ZYG11B: variants seen among roughly 807,000 people sequenced by gnomAD.
ZYG11B encodes zyg-11 family member B, cell cycle regulator, also known as protein zyg-11 homolog B.
In ZYG11B, 36 loss-of-function variants were observed where a neutral mutation model predicts 82.4. That is an observed-to-expected ratio of 0.44 (90% confidence interval 0.33 to 0.58). ZYG11B has a LOEUF of 0.58. Ranked by LOEUF, ZYG11B falls within the 20% of genes least tolerant of loss-of-function variation. The probability of loss-of-function intolerance (pLI) is 0.02; values close to 1 mark genes in which losing one functional copy is unlikely to be tolerated. For synonymous variants in ZYG11B, 303 were observed against 312.8 expected (o/e 0.97, Z 0.33); for missense variants, 552 against 895.6 (o/e 0.62, Z 4.90).
intron 13 of ZYG11B, among the ~76,000 whole-genome samples, chr1:52,817,797 ATATATATATATATATATATTTTTT>A (rs1645243491): frequency 2.0e-5 from 1 of 49,990 alleles, no homozygotes; most frequent in African/African-American, 5.7e-5. Flanking sequence ...ATATATATAT[ATATATATATATATATATATTTTTT>A]TTTTTTTTTT....
At chr1:52,781,076 C>T (rs1284778086) in intron 4 of ZYG11B, among the ~76,000 whole-genome samples, 1 of 152,122 alleles carries the variant, frequency 6.6e-6, no homozygotes, top group Non-Finnish European at 1.5e-5. Flanking sequence ...GCCGAGTTTA[C>T]AGTGAGCCGA....
intron 2 of ZYG11B, among the ~76,000 whole-genome samples, chr1:52,757,679 C>T (rs957010834): frequency 2.0e-5 from 3 of 150,724 alleles, no homozygotes; most frequent in Admixed American, 6.6e-5. Flanking sequence ...TGTCTCAAAA[C>T]AAACAAACTA....
Position 52,821,591 on chromosome 1 carries a change from C to T in ZYG11B, c.2197C>T (p.Pro733Ser), listed in dbSNP as rs149790059. ...EKHIVRHGRP[P>S]PCKKQPQARL... ...ACACATTGTGCGCCATGGGAGGCCACCTCCCTGTAAAAAACAGCCCCAAGC... is the reference window on the plus strand; with the variant it reads ...ACACATTGTGCGCCATGGGAGGCCATCTCCCTGTAAAAAACAGCCCCAAGC... Residue 733 changes from proline (P) to serine (S), a missense_variant, in exon 14 of 14, where the codon CCT (proline) becomes TCT (serine). Around this residue, in one of 3 missense-constraint regions of ZYG11B, gnomAD observed 127 missense variants for 163.4 expected, o/e 0.78. Coordinates refer to ENST00000294353, the MANE Select transcript of ZYG11B (RefSeq NM_024646.3). 12 of 1,613,656 alleles carry T rather than the reference C, an allele frequency of 7.4e-6. No homozygotes were observed. Among genetic ancestry groups the T allele is most frequent in the Non-Finnish European group, 7.6e-6 (9 of 1,179,894 alleles).
At position 52,825,316 on chromosome 1, in the gene ZYG11B, T is replaced by C. The variant is rs1645315657; in HGVS notation, c.*3687T>C. 6.6e-6 allele frequency: 1 copy of C among 152,116 alleles called. No homozygotes were observed. Among genetic ancestry groups the C allele is most frequent in the South Asian group, 2.1e-4 (1 of 4,834 alleles). 9.4% of individuals were successfully genotyped at this position (152,116 alleles called of 1,614,324 possible). ...AGGGATTAGTTTACCCTCAAGCCGATGACTCCATGGCTACTGATATTAGTT... is the reference window on the plus strand; with the variant it reads ...AGGGATTAGTTTACCCTCAAGCCGACGACTCCATGGCTACTGATATTAGTT... On this transcript the variant is annotated 3_prime_UTR_variant, in exon 14 of 14. Transcript: ENST00000294353.
At chr1:52,768,999 T>C (rs548813706) in intron 2 of ZYG11B, among the ~76,000 whole-genome samples, 21 of 152,300 alleles carry the variant, frequency 1.4e-4, no homozygotes, top group African/African-American at 4.8e-4. Flanking sequence ...TTCATGATGG[T>C]TTACTTCCTT....
At chr1:52,778,572 A>T (rs1018228457) in intron 3 of ZYG11B, among the ~76,000 whole-genome samples, 10 of 152,194 alleles carry the variant, frequency 6.6e-5, no homozygotes, top group Admixed American at 2.0e-4. Flanking sequence ...TGAGGTACAT[A>T]AATATCTAGT....
At chr1:52,783,459 A>C (rs922075277) in intron 4 of ZYG11B, among the ~76,000 whole-genome samples, 2 of 152,142 alleles carry the variant, frequency 1.3e-5, no homozygotes, top group East Asian at 3.9e-4. Flanking sequence ...TAACATATAC[A>C]TGAAGGGATT....
intron 13 of ZYG11B, among the ~76,000 whole-genome samples, chr1:52,819,051 A>G (rs1645258565): frequency 6.6e-6 from 1 of 152,148 alleles, no homozygotes; most frequent in African/African-American, 2.4e-5. Context: ...TGCTGGGATT[A>G]CAGGCATGAG....
intron 2 of ZYG11B, 56 bp from the exon 3 acceptor site, chr1:52,770,964 T>A (rs1644745038): frequency 1.3e-6 from 2 of 1,539,820 alleles, no homozygotes; most frequent in Non-Finnish European, 1.7e-6. Context: ...GTGATGGAAA[T>A]TTTGGCTATT....
At chr1:52,752,667 C>T (rs1416062546) in intron 1 of ZYG11B, among the ~76,000 whole-genome samples, 4 of 152,152 alleles carry the variant, frequency 2.6e-5, no homozygotes, top group Non-Finnish European at 5.9e-5. Context: ...GGACTTGTGA[C>T]TGGCACCTGC....
At chr1:52,812,354 G>GTTGC (rs1222898852) in intron 10 of ZYG11B, among the ~76,000 whole-genome samples, 1 of 152,020 alleles carries the variant, frequency 6.6e-6, no homozygotes, top group Non-Finnish European at 1.5e-5. Context: ...TGCAGATCAA[G>GTTGC]TTGCTCTTCT....
chr1:52,758,152 T>C (rs1293953961), intron 2 of ZYG11B, among the ~76,000 whole-genome samples: 1 of 149,318 alleles, frequency 6.7e-6, no homozygotes, highest in Non-Finnish European at 1.5e-5. Context: ...TGAGTCGAGA[T>C]TGTGCCACTG....
intron 2 of ZYG11B, among the ~76,000 whole-genome samples, chr1:52,761,041 G>T (rs1224988914): frequency 6.6e-6 from 1 of 152,160 alleles, no homozygotes; most frequent in African/African-American, 2.4e-5. Flanking sequence ...GGGATTACAG[G>T]TGTGAACCAC....
At chr1:52,794,190 G>T (rs974072721) in intron 6 of ZYG11B, among the ~76,000 whole-genome samples, 4 of 151,984 alleles carry the variant, frequency 2.6e-5, no homozygotes, top group Admixed American at 6.6e-5. Flanking sequence ...TTGCCAGGAT[G>T]GTCTCTATCT....
chr1:52,787,697 T>C (rs1644925339), intron 5 of ZYG11B, among the ~76,000 whole-genome samples: 1 of 152,216 alleles, frequency 6.6e-6, no homozygotes, highest in African/African-American at 2.4e-5. Context: ...GTGATTTGTA[T>C]ACACATTAAA....
intron 11 of ZYG11B, 40 bp from the exon 12 acceptor site, chr1:52,813,820 A>G (rs556597912): frequency 6.2e-7 from 1 of 1,613,802 alleles, no homozygotes; most frequent in African/African-American, 1.3e-5. Context: ...AGTGCTAAAT[A>G]AATATTGTAA....
At chr1:52,802,309 T>G (rs1416895567) in intron 10 of ZYG11B, among the ~76,000 whole-genome samples, 170 bp downstream of exon 10, 1 of 151,438 alleles carries the variant, frequency 6.6e-6, no homozygotes, top group Admixed American at 6.6e-5. Flanking sequence ...ACTTGAAATA[T>G]GGTCTGCAAT....
rs1644752917 is a variant in ZYG11B, at chr1:52,771,729, T to C, written c.906T>C (p.Thr302=). The C allele has an allele frequency of 3.7e-6, 6 of 1,613,744 alleles. No individual in the cohort carries two copies. The highest frequency in any genetic ancestry group is 5.1e-6 in the Non-Finnish European group (6 of 1,179,750). The part of the protein sequence containing the change: ...PSMQFVGLLA[T]DAGYSEFLTG... ...TGCAATTTGTAGGTTTGCTGGCTAC[T>C]GATGCTGGTTACTCTGAATTCCTCA... Residue 302 remains threonine, a synonymous_variant, in exon 3 of 14, where the codon ACT becomes ACC. Transcript: ENST00000294353. The surrounding 1 kb of genome is among the most constrained non-coding windows in gnomAD (Gnocchi z 5.4).
At chr1:52,772,348 T>C in intron 3 of ZYG11B, 2 of 1,509,292 alleles carry the variant, frequency 1.3e-6, no homozygotes, top group Non-Finnish European at 1.8e-6. Flanking sequence ...CCTCTCAAGA[T>C]GCTTTGAACA....
Sources: allele counts gnomAD v4.1 joint callset (sites outside exome capture counted in the v4.1 genomes callset), GRCh38; gene constraint gnomAD v4.1.1; regional missense constraint gnomAD v4.1.1; non-coding constraint Gnocchi (gnomAD v3.1); transcripts MANE v1.5; gene names NCBI Gene and HGNC (gene_info 2026-07-23, HGNC 2026-07-21).